Variants in AGPS observed in about 807,000 individuals in gnomAD.
AGPS encodes the protein alkylglycerone phosphate synthase.
Under a neutral mutation model 90.7 loss-of-function variants are expected in AGPS, and 26 were observed. The ratio of observed to expected loss-of-function variants is 0.29; its 90% CI spans 0.21 to 0.40. AGPS has a LOEUF of 0.40. Among genes scored for constraint, AGPS ranks in the 10% least tolerant of loss-of-function variants. AGPS has a pLI of 1.00. For missense variants in AGPS, 540 were observed against 816.1 expected (o/e 0.66, Z 4.12); for synonymous variants, 294 against 285.3 (o/e 1.03, Z -0.31).
At chr2:177,455,812 A>G (rs1036408662) in intron 8 of AGPS, among the ~76,000 whole-genome samples, 1 of 151,346 alleles carries the variant, frequency 6.6e-6, no homozygotes, top group Admixed American at 6.6e-5. Flanking sequence ...ATTTTTCTCA[A>G]TATTGCTCTA....
intron 5 of AGPS, among the ~76,000 whole-genome samples, chr2:177,438,944 G>A (rs529334123): frequency 6.6e-6 from 1 of 151,020 alleles, no homozygotes; most frequent in South Asian, 2.1e-4. Context: ...AGGCAATGTG[G>A]TATTCCATAG....
rs2079203333 is a variant in AGPS at position 177,538,454 on chromosome 2, A to G, written c.*259A>G. 1 of 460,242 alleles carries G rather than the reference A, an allele frequency of 2.2e-6. No homozygotes were observed. The highest frequency in any genetic ancestry group is 2.3e-5 in the South Asian group (1 of 43,906). The allele number at this position is 460,242 out of a possible 1,614,324, so 28.5% of individuals were successfully genotyped here. A position where few individuals can be genotyped will look rare whatever the true frequency, so the allele number is the denominator to read the frequency against. ...TTTCAAATTTTAGTCAGGCAGCACA[A>G]AGCTGTCAATTATTCCAGAGGAAGC... On this transcript the variant is annotated 3_prime_UTR_variant, in exon 20 of 20. Transcript: ENST00000264167.
chr2:177,482,129 A>G lies in AGPS; in HGVS notation c.1176A>G (p.Ser392=), dbSNP rs1392174100. ...RPVPEYQKYG[S]VAFPNFEQGV... ...TCCCTGAATACCAAAAGTATGGCTCAGTAGCTTTCCCTAATTTTGAACAAG... is the reference window on the plus strand; with the variant it reads ...TCCCTGAATACCAAAAGTATGGCTCGGTAGCTTTCCCTAATTTTGAACAAG... Residue 392 remains serine, a synonymous_variant, in exon 11 of 20, where the codon TCA becomes TCG. Transcript: ENST00000264167. 1 of 1,605,808 alleles carries G rather than the reference A, an allele frequency of 6.2e-7. No homozygotes were observed. Among genetic ancestry groups the G allele is most frequent in the Non-Finnish European group, 8.5e-7 (1 of 1,174,820 alleles).
chr2:177,461,785 T>A, intron 8 of AGPS, 108 bp from the exon 9 acceptor site: 1 of 934,256 alleles, frequency 1.1e-6, no homozygotes, highest in Non-Finnish European at 1.6e-6. Context: ...AATTAATAAA[T>A]TCAAATATCA....
chr2:177,462,520 A>G (rs1687328245), intron 9 of AGPS, among the ~76,000 whole-genome samples: 1 of 152,110 alleles, frequency 6.6e-6, no homozygotes, highest in Non-Finnish European at 1.5e-5. Flanking sequence ...AACTGTGGTC[A>G]TTATTTAAGG....
intron 17 of AGPS, among the ~76,000 whole-genome samples, chr2:177,521,020 T>A (rs1689169602): frequency 6.6e-6 from 1 of 152,236 alleles, no homozygotes; most frequent in Admixed American, 6.5e-5. Context: ...TATGTACCTA[T>A]AATATTGACT....
chr2:177,409,767 T>G (rs1233203945), intron 1 of AGPS, among the ~76,000 whole-genome samples: 1 of 152,168 alleles, frequency 6.6e-6, no homozygotes, highest in East Asian at 1.9e-4. Flanking sequence ...GTAGTTCAAA[T>G]GCATCAGGGG....
intron 14 of AGPS, among the ~76,000 whole-genome samples, chr2:177,500,821 TA>T (rs1332245788): frequency 1.3e-5 from 2 of 152,142 alleles, no homozygotes. Context: ...ATATTTTAAC[TA>T]AATCACTTAA....
At chr2:177,526,287 C>T (rs1438182646) in intron 19 of AGPS, among the ~76,000 whole-genome samples, 4 of 143,490 alleles carry the variant, frequency 2.8e-5, no homozygotes, top group Non-Finnish European at 6.0e-5. Flanking sequence ...TGGAGTGCAG[C>T]GGTGCGATCT....
In AGPS at chr2:177,543,110, A is replaced by G. The variant is rs985798152; in HGVS notation, c.*4915A>G. The stretch of plus-strand genomic sequence containing the variant: ...ATTTGTATGTGCTTTTCCTTCCTAC[A>G]TTTTCATTCCTACTGCCCCAACCTA... On this transcript the variant is annotated 3_prime_UTR_variant, in exon 20 of 20. Coordinates refer to ENST00000264167, the MANE Select transcript of AGPS (RefSeq NM_003659.4). 11 of 152,038 alleles carry G rather than the reference A, an allele frequency of 7.2e-5. No individual in the cohort carries two copies. Among genetic ancestry groups the G allele is most frequent in the Admixed American group, 6.6e-4 (10 of 15,256 alleles). 9.4% of individuals were successfully genotyped at this position (152,038 alleles called of 1,614,324 possible). A position where few individuals can be genotyped will look rare whatever the true frequency, so the allele number is the denominator to read the frequency against.
intron 14 of AGPS, among the ~76,000 whole-genome samples, chr2:177,501,617 T>C (rs1688562621): frequency 6.6e-6 from 1 of 152,236 alleles, no homozygotes; most frequent in African/African-American, 2.4e-5. Flanking sequence ...TATTTTCATC[T>C]TTAGGTATTT....
At chr2:177,453,781 G>A (rs1296925745) in intron 8 of AGPS, among the ~76,000 whole-genome samples, 1 of 125,380 alleles carries the variant, frequency 8.0e-6, no homozygotes, top group Non-Finnish European at 1.6e-5. Context: ...TCTGCCTCCC[G>A]GGTTCAAGTG....
intron 17 of AGPS, 81 bp from the exon 18 acceptor site, chr2:177,521,188 C>A: frequency 8.7e-7 from 1 of 1,151,064 alleles, no homozygotes. Flanking sequence ...TCATTTGGGT[C>A]GTCTTGACTT....
chr2:177,427,782 C>T (rs1370046380), intron 2 of AGPS, among the ~76,000 whole-genome samples: 2 of 151,848 alleles, frequency 1.3e-5, no homozygotes, highest in Admixed American at 1.3e-4. Flanking sequence ...AGTGTTGTGG[C>T]GATGAGAAAA....
intron 1 of AGPS, among the ~76,000 whole-genome samples, chr2:177,394,147 A>G (rs1307779452): frequency 6.6e-6 from 1 of 152,224 alleles, no homozygotes; most frequent in Non-Finnish European, 1.5e-5. Flanking sequence ...TTCAACATAC[A>G]TGAGTCTTTA....
At chr2:177,398,778 G>A (rs777858375) in intron 1 of AGPS, among the ~76,000 whole-genome samples, 82 of 152,190 alleles carry the variant, frequency 5.4e-4, no homozygotes, top group Non-Finnish European at 9.6e-4. Context: ...GGTTTAAAAA[G>A]GTAGACCAGC....
chr2:177,469,227 A>G (rs80160156), intron 10 of AGPS, among the ~76,000 whole-genome samples: 5,331 of 152,238 alleles, frequency 0.035, 207 homozygotes, highest in African/African-American at 0.097. Context: ...GAAATAAATT[A>G]AAATAAACAA....
intron 1 of AGPS, among the ~76,000 whole-genome samples, chr2:177,407,656 C>T (rs1176333321): frequency 1.3e-5 from 2 of 152,030 alleles, no homozygotes; most frequent in Non-Finnish European, 2.9e-5. Context: ...CCTCCAGCCC[C>T]GGGGACTGCA....
chr2:177,404,588 C>A (rs1334512549), intron 1 of AGPS, among the ~76,000 whole-genome samples: 1 of 152,106 alleles, frequency 6.6e-6, no homozygotes, highest in Non-Finnish European at 1.5e-5. Flanking sequence ...TATCACATAT[C>A]CATTAATCCA....
Sources: gnomAD v4.1 joint callset for allele counts (sites outside exome capture counted in the v4.1 genomes callset) on GRCh38, gnomAD v4.1.1 for gene constraint, MANE v1.5 for transcripts, NCBI Gene and HGNC (gene_info 2026-07-23, HGNC 2026-07-21) for gene names.